The following RCOR3 variants were observed in gnomAD, a reference collection of about 807,000 sequenced individuals.
The protein encoded by RCOR3 is REST corepressor 3.
Under a neutral mutation model 64.1 loss-of-function variants are expected in RCOR3, and 13 were observed. That is an observed-to-expected ratio of 0.20 (90% CI 0.13 to 0.32). The LOEUF (loss-of-function observed/expected upper bound fraction) is 0.32, where lower values mean the gene tolerates loss of function less well. Ranked by LOEUF, RCOR3 falls within the 10% of genes least tolerant of loss-of-function variation. RCOR3 has a pLI of 1.00. For synonymous variants in RCOR3, 215 were observed against 239.0 expected (o/e 0.90, Z 0.93); for missense variants, 489 against 701.2 (o/e 0.70, Z 3.42).
chr1:211,282,214 A>C (rs770388660), intron 7 of RCOR3, among the ~76,000 whole-genome samples: 121 of 152,310 alleles, frequency 7.9e-4, no homozygotes, highest in Middle Eastern at 6.8e-3. Flanking sequence ...TTTTAAGAGG[A>C]TACTGCAGAG....
At chr1:211,275,052 A>G (rs1415725308) in intron 4 of RCOR3, among the ~76,000 whole-genome samples, 1 of 151,254 alleles carries the variant, frequency 6.6e-6, no homozygotes, top group East Asian at 1.9e-4. Flanking sequence ...AATATACTAT[A>G]TATAGAGAGA....
At chr1:211,268,181 C>T (rs901358313) in intron 2 of RCOR3, among the ~76,000 whole-genome samples, 2 of 152,062 alleles carry the variant, frequency 1.3e-5, no homozygotes, top group South Asian at 4.1e-4. Flanking sequence ...TTAGGATATT[C>T]ACTTTATATA....
At chr1:211,289,490 T>C in intron 8 of RCOR3, 94 bp downstream of exon 8, 1 of 1,002,258 alleles carries the variant, frequency 1.0e-6, no homozygotes, top group South Asian at 1.6e-5. Context: ...TTTGCAGATT[T>C]TTCTCAGCCA....
At chr1:211,271,048 G>C (rs1558051663) in intron 2 of RCOR3, among the ~76,000 whole-genome samples, 184 bp from the exon 3 acceptor site, 3 of 152,026 alleles carry the variant, frequency 2.0e-5, no homozygotes, top group Admixed American at 2.0e-4. Flanking sequence ...TAGTAGAGAC[G>C]GGGTTTCACC....
Position 211,313,788 on chromosome 1 carries a change from T to C in RCOR3, c.*20T>C, listed in dbSNP as rs547792387. On this transcript the variant is annotated 3_prime_UTR_variant, in exon 12 of 12. Coordinates refer to ENST00000419091, the MANE Select transcript of RCOR3 (RefSeq NM_001136223.3). This position sits in a 1 kb window ranked among gnomAD's most constrained non-coding sequence, Gnocchi z 4.7. The stretch of plus-strand genomic sequence containing the variant: ...CACTAAAAATTAAATTGGACACAGC[T>C]GCAGTAACTTTTCACCCCATCATTA... 1 of 1,592,354 alleles carries C rather than the reference T, an allele frequency of 6.3e-7. No homozygotes were observed. Among genetic ancestry groups the C allele is most frequent in the South Asian group, 1.1e-5 (1 of 90,186 alleles).
At chr1:211,282,429 A>G (rs1697935866) in intron 7 of RCOR3, among the ~76,000 whole-genome samples, 2 of 152,198 alleles carry the variant, frequency 1.3e-5, no homozygotes, top group Non-Finnish European at 2.9e-5. Flanking sequence ...AAGAAAAATA[A>G]TAGATACCAG....
rs1210073042 is a variant in RCOR3, at chr1:211,265,961, A to AT, written c.224-5263dup. Among the ~76,000 whole-genome samples, 4 of 151,906 alleles carry AT rather than the reference A, an allele frequency of 2.6e-5. No homozygotes were observed. The East Asian group carries it at 5.8e-4, about 22-fold the overall frequency. On this transcript the variant is annotated intron_variant, in intron 2 of 11. Coordinates refer to ENST00000419091, the MANE Select transcript of RCOR3 (RefSeq NM_001136223.3). ...AATACATGAGAGATGGTGCCCTTTTATTTTTTTTAAGTGAGAGAAGGGTAT... is the reference window on the plus strand; with the variant it reads ...AATACATGAGAGATGGTGCCCTTTTATTTTTTTTTAAGTGAGAGAAGGGTAT...
At chr1:211,309,653 C>T (rs1039284526) in intron 10 of RCOR3, among the ~76,000 whole-genome samples, 1 of 152,216 alleles carries the variant, frequency 6.6e-6, no homozygotes, top group African/African-American at 2.4e-5. Flanking sequence ...ATACCTTTTA[C>T]ATCTTCAGGA....
At position 211,259,850 on chromosome 1, in the gene RCOR3, TC is replaced by T. The variant is rs1571732002; in HGVS notation, c.166+125del. 5.9e-6 allele frequency: 6 copies of T among 1,008,630 alleles called. No individual in the cohort carries two copies. In the East Asian group the frequency reaches 2.1e-4, roughly 35 times the overall value. 62.5% of individuals were successfully genotyped at this position (1,008,630 alleles called of 1,614,324 possible). A position where few individuals can be genotyped will look rare whatever the true frequency, so the allele number is the denominator to read the frequency against. On this transcript the variant is annotated intron_variant, in intron 1 of 11. Coordinates refer to ENST00000419091, the MANE Select transcript of RCOR3 (RefSeq NM_001136223.3). ...TCAGAGCCTGGGCGCTGCGGTAGCC[TC>T]GAACTCCCGGTGCAGTGCAGCAGCA...
At chr1:211,259,966 G>T (rs1693920484) in intron 1 of RCOR3, 142 bp from the exon 2 acceptor site, 2 of 1,229,674 alleles carry the variant, frequency 1.6e-6, no homozygotes, top group African/African-American at 1.8e-5. Flanking sequence ...CCATCTCCCG[G>T]AGTGCCCCGA....
chr1:211,306,062 A>AT (rs1295398921), intron 10 of RCOR3, among the ~76,000 whole-genome samples: 1 of 151,986 alleles, frequency 6.6e-6, no homozygotes, highest in African/African-American at 2.4e-5. Context: ...TATTCTTTGG[A>AT]TTTTTTTGTT....
intron 8 of RCOR3, among the ~76,000 whole-genome samples, chr1:211,290,842 A>G (rs1699162307): frequency 6.6e-6 from 1 of 152,210 alleles, no homozygotes; most frequent in South Asian, 2.1e-4. Context: ...GATTTATAAG[A>G]AAATCATGTT....
intron 3 of RCOR3, among the ~76,000 whole-genome samples, chr1:211,273,018 C>T (rs1229696544): frequency 6.6e-6 from 1 of 152,140 alleles, no homozygotes; most frequent in Non-Finnish European, 1.5e-5. Flanking sequence ...TATATTTAGA[C>T]CTGTCATGTA....
intron 10 of RCOR3, 65 bp downstream of exon 10, chr1:211,304,205 T>C: frequency 1.7e-6 from 2 of 1,151,784 alleles, no homozygotes; most frequent in South Asian, 1.7e-5. Flanking sequence ...AGGTGACTAC[T>C]CTAGTTCTTC....
intron 4 of RCOR3, among the ~76,000 whole-genome samples, chr1:211,274,807 G>A (rs1696720486): frequency 6.6e-6 from 1 of 151,716 alleles, no homozygotes; most frequent in Non-Finnish European, 1.5e-5. Flanking sequence ...ATGTCTGTAT[G>A]TAGAGTTAAG....
At chr1:211,297,312 A>G (rs894394780) in intron 9 of RCOR3, among the ~76,000 whole-genome samples, 2 of 152,158 alleles carry the variant, frequency 1.3e-5, no homozygotes, top group African/African-American at 2.4e-5. Flanking sequence ...ATGTAAATCC[A>G]TACAGATAGG....
intron 9 of RCOR3, among the ~76,000 whole-genome samples, chr1:211,298,038 C>T (rs1167524390): frequency 6.6e-6 from 1 of 152,136 alleles, no homozygotes; most frequent in Non-Finnish European, 1.5e-5. Context: ...AGTCCATTCA[C>T]TTCCACAAGT....
Position 211,312,816 on chromosome 1 carries a change from G to A in RCOR3, c.1172G>A (p.Arg391His), listed in dbSNP as rs767709777. 7 of 1,614,062 alleles carry A rather than the reference G, an allele frequency of 4.3e-6. No homozygotes were observed. The highest frequency in any genetic ancestry group is 2.2e-5 in the East Asian group (1 of 44,896). ...QVKNFFVNYR[R>H]RFNLEEVLQE... ...AAGAACTTCTTTGTAAACTACAGGCGTCGGTTTAACTTAGAGGAGGTATTG... is the reference window on the plus strand; with the variant it reads ...AAGAACTTCTTTGTAAACTACAGGCATCGGTTTAACTTAGAGGAGGTATTG... Residue 391 changes from arginine (R) to histidine (H), a missense_variant, in exon 11 of 12, where the codon CGT becomes CAT. Coordinates refer to ENST00000419091, the MANE Select transcript of RCOR3 (RefSeq NM_001136223.3). The surrounding 1 kb of genome is among the most constrained non-coding windows in gnomAD (Gnocchi z 5.0).
chr1:211,295,766 A>G lies in RCOR3; in HGVS notation c.1017+13A>G. The G allele has an allele frequency of 6.2e-7, 1 of 1,608,514 alleles. No homozygotes were observed. Among genetic ancestry groups the G allele is most frequent in the Non-Finnish European group, 8.5e-7 (1 of 1,175,196 alleles). ...CAAACCTCCTGAGGTATGTTATTGA[A>G]GGATACATGTGATTAAGTATAGTGA... is the stretch of plus-strand genomic sequence containing the variant. On this transcript the variant is annotated intron_variant, in intron 9 of 11. Transcript: ENST00000419091.
Sources: gnomAD v4.1 joint callset for allele counts (sites outside exome capture counted in the v4.1 genomes callset) on GRCh38, gnomAD v4.1.1 for gene constraint, Gnocchi (gnomAD v3.1) non-coding constraint, MANE v1.5 for transcripts, NCBI Gene and HGNC (gene_info 2026-07-23, HGNC 2026-07-21) for gene names.